MOGAT1: variants seen among roughly 807,000 people sequenced by gnomAD.
MOGAT1 encodes the protein 2-acylglycerol O-acyltransferase 1.
Under a neutral mutation model 31.4 loss-of-function variants are expected in MOGAT1, and 32 were observed. The observed-to-expected ratio is 1.02, with a 90% confidence interval of 0.77 to 1.37. The LOEUF (loss-of-function observed/expected upper bound fraction) is 1.37, where lower values mean the gene tolerates loss of function less well. Ranked by LOEUF, MOGAT1 falls within the 40% of genes most tolerant of loss-of-function variation. MOGAT1 has a pLI of 0.00. For synonymous variants in MOGAT1, 145 were observed against 144.5 expected (o/e 1.00, Z -0.03); for missense variants, 426 against 402.0 (o/e 1.06, Z -0.51).
At chr2:222,676,207 G>C (rs981704842) in intron 1 of MOGAT1, among the ~76,000 whole-genome samples, 1 of 140,946 alleles carries the variant, frequency 7.1e-6, no homozygotes, top group African/African-American at 2.7e-5. Context: ...GGTTGGTCTT[G>C]AACCCCTTGG....
intron 1 of MOGAT1, among the ~76,000 whole-genome samples, chr2:222,686,981 G>T (rs1432065427): frequency 2.6e-5 from 4 of 151,698 alleles, no homozygotes; most frequent in Non-Finnish European, 4.4e-5. Flanking sequence ...GGGCGTGGTG[G>T]TGCGCGCCTA....
At chr2:222,694,075 C>G (rs1406763801) in intron 3 of MOGAT1, among the ~76,000 whole-genome samples, 4 of 152,130 alleles carry the variant, frequency 2.6e-5, no homozygotes, top group Non-Finnish European at 5.9e-5. Context: ...ATGGTGTCCT[C>G]TAGAGTTCAG....
chr2:222,676,749 G>C (rs1437721826), intron 1 of MOGAT1, among the ~76,000 whole-genome samples: 2 of 152,080 alleles, frequency 1.3e-5, no homozygotes, highest in Admixed American at 1.3e-4. Flanking sequence ...ACCATCACTT[G>C]ATGTAGTCTT....
rs146529171 is a variant in MOGAT1, at chr2:222,705,728, C to T, written c.854-4008C>T. Among the ~76,000 whole-genome samples, 15 of 152,074 alleles carry T rather than the reference C, an allele frequency of 9.9e-5. No individual in the cohort carries two copies. In the East Asian group the frequency reaches 1.9e-3, roughly 20 times the overall value. ...TAATGGCTGTCTTGCTAGGTTTTTCCGGGGATTTGACTGAATAACATCTAG... is the reference window on the plus strand; with the variant it reads ...TAATGGCTGTCTTGCTAGGTTTTTCTGGGGATTTGACTGAATAACATCTAG... On this transcript the variant is annotated intron_variant, in intron 5 of 5. Transcript: ENST00000446656.
intron 5 of MOGAT1, among the ~76,000 whole-genome samples, chr2:222,700,482 C>G (rs1236204584): frequency 2.6e-5 from 4 of 152,194 alleles, no homozygotes; most frequent in Non-Finnish European, 5.9e-5. Flanking sequence ...CAAACAGTTA[C>G]AATGATTAGT....
intron 1 of MOGAT1, among the ~76,000 whole-genome samples, chr2:222,685,846 C>T (rs370368845): frequency 6.6e-6 from 1 of 151,948 alleles, no homozygotes; most frequent in Admixed American, 6.6e-5. Flanking sequence ...GGTATCCACC[C>T]ACCTCAGCCT....
At chr2:222,699,957 T>C (rs60701923) in intron 5 of MOGAT1, among the ~76,000 whole-genome samples, 7,081 of 152,316 alleles carry the variant, frequency 0.046, 347 homozygotes, top group African/African-American at 0.13. Context: ...GTTAACAGAC[T>C]TGATCAGTTA....
At chr2:222,709,245 C>T (rs189768559) in intron 5 of MOGAT1, among the ~76,000 whole-genome samples, 50 of 152,242 alleles carry the variant, frequency 3.3e-4, no homozygotes, top group African/African-American at 1.1e-3. Context: ...CGCTTGAACT[C>T]GGGAGGCGGA....
rs1235089358 is a variant in MOGAT1 at position 222,709,896 on chromosome 2, C to T, written c.*6C>T. On this transcript the variant is annotated 3_prime_UTR_variant, in exon 6 of 6. Transcript: ENST00000446656. ...AGACTCTTGTTTTAAAATGACTTGA[C>T]TATAAAAAAAAATTAAAAAATAAAA... is the stretch of plus-strand genomic sequence containing the variant. 6.4e-7 allele frequency: 1 copy of T among 1,568,570 alleles called. No homozygotes were observed. Among genetic ancestry groups the T allele is most frequent in the African/African-American group, 1.4e-5 (1 of 72,136 alleles).
At chr2:222,689,194 CTT>C (rs2106037114) in intron 2 of MOGAT1, 69 bp from the exon 3 acceptor site, 1 of 1,323,282 alleles carries the variant, frequency 7.6e-7, no homozygotes, top group East Asian at 2.5e-5. Flanking sequence ...AAAACTAGTC[CTT>C]TTGTTTCTCA....
intron 1 of MOGAT1, among the ~76,000 whole-genome samples, chr2:222,684,309 G>A (rs1318058446): frequency 1.3e-5 from 2 of 151,968 alleles, no homozygotes; most frequent in Admixed American, 6.6e-5. Context: ...GGGAGGCTGA[G>A]GCAGGAGAAT....
intron 5 of MOGAT1, chr2:222,699,578 G>A (rs1345964276): frequency 4.5e-5 from 6 of 134,334 alleles, no homozygotes; most frequent in Non-Finnish European, 9.2e-5. Context: ...CTCACTGCAA[G>A]CTCTGCCTCC....
intron 1 of MOGAT1, among the ~76,000 whole-genome samples, chr2:222,672,545 G>A (rs1692433270): frequency 6.6e-6 from 1 of 152,134 alleles, no homozygotes; most frequent in South Asian, 2.1e-4. Flanking sequence ...GCAAAAACGT[G>A]GGTGGTTTTT....
At chr2:222,694,157 C>T (rs988369012) in intron 3 of MOGAT1, among the ~76,000 whole-genome samples, 1 of 152,030 alleles carries the variant, frequency 6.6e-6, no homozygotes, top group Non-Finnish European at 1.5e-5. Context: ...AAGACCTAGC[C>T]CATTACCTGC....
chr2:222,679,030 T>C (rs1692541921), intron 1 of MOGAT1, among the ~76,000 whole-genome samples: 2 of 152,226 alleles, frequency 1.3e-5, no homozygotes, highest in South Asian at 4.1e-4. Context: ...TTTTAGGTTT[T>C]CCATATAGAT....
chr2:222,678,535 A>G (rs1692531474), intron 1 of MOGAT1, among the ~76,000 whole-genome samples: 2 of 152,220 alleles, frequency 1.3e-5, no homozygotes, highest in African/African-American at 4.8e-5. Flanking sequence ...TCTATGGATT[A>G]TCCTTTCAAT....
At chr2:222,702,050 C>T (rs1206820879) in intron 5 of MOGAT1, among the ~76,000 whole-genome samples, 2 of 152,206 alleles carry the variant, frequency 1.3e-5, no homozygotes, top group East Asian at 3.8e-4. Flanking sequence ...TAAAGGCCTC[C>T]TGCCTAGCTT....
intron 5 of MOGAT1, among the ~76,000 whole-genome samples, chr2:222,704,350 C>G (rs957363930): frequency 1.3e-5 from 2 of 152,120 alleles, no homozygotes; most frequent in African/African-American, 4.8e-5. Flanking sequence ...CCCGGCCAGG[C>G]GCGGTGGCTC....
intron 1 of MOGAT1, among the ~76,000 whole-genome samples, chr2:222,674,129 T>C (rs1315130244): frequency 6.6e-6 from 1 of 152,164 alleles, no homozygotes; most frequent in Non-Finnish European, 1.5e-5. Flanking sequence ...TCGAGACACA[T>C]GTGACCGCAT....
Sources: gnomAD v4.1 joint callset for allele counts (sites outside exome capture counted in the v4.1 genomes callset) on GRCh38, gnomAD v4.1.1 for gene constraint, MANE v1.5 for transcripts, NCBI Gene and HGNC (gene_info 2026-07-23, HGNC 2026-07-21) for gene names.